The following MFSD11 variants were observed in gnomAD, a reference collection of about 807,000 sequenced individuals.
MFSD11 encodes UNC93-like protein MFSD11.
In MFSD11, 36 loss-of-function variants were observed where a neutral mutation model predicts 53.5. That is an observed-to-expected ratio of 0.67 (90% CI 0.52 to 0.89). The LOEUF is 0.89. Ranked by LOEUF, MFSD11 falls within the 40% of genes least tolerant of loss-of-function variation. The pLI is 0.00. For synonymous variants in MFSD11, 186 were observed against 184.9 expected (o/e 1.01, Z -0.05); for missense variants, 530 against 543.9 (o/e 0.97, Z 0.25).
intron 12 of MFSD11, among the ~76,000 whole-genome samples, chr17:76,777,907 G>A (rs1235255611): frequency 3.3e-5 from 5 of 152,084 alleles, no homozygotes; most frequent in African/African-American, 1.2e-4. Context: ...TTGAACTCCT[G>A]GGCTCAAGCA....
chr17:76,744,240 G>C, intron 6 of MFSD11, 82 bp from the exon 7 acceptor site: 1 of 1,368,878 alleles, frequency 7.3e-7, no homozygotes, highest in Non-Finnish European at 9.8e-7. Flanking sequence ...TGTGTTGACA[G>C]TTGTAAGCAG....
intron 8 of MFSD11, among the ~76,000 whole-genome samples, chr17:76,757,996 C>T (rs187797228): frequency 7.9e-5 from 12 of 151,390 alleles, no homozygotes; most frequent in East Asian, 7.8e-4. Flanking sequence ...GGTGACAGAG[C>T]GAGACTGTGT....
At chr17:76,762,836 G>T (rs371453963) in intron 8 of MFSD11, among the ~76,000 whole-genome samples, 1 of 151,664 alleles carries the variant, frequency 6.6e-6, no homozygotes. Flanking sequence ...AGGACCACAA[G>T]AGTAAACAAG....
At chr17:76,784,665 T>TG (rs1170592783), downstream of MFSD11, among the ~76,000 whole-genome samples, 1 of 151,962 alleles carries the variant, frequency 6.6e-6, no homozygotes, top group Admixed American at 6.6e-5. Flanking sequence ...GAGGCTGAGG[T>TG]GGGTGGATCA....
the MFSD11 span, among the ~76,000 whole-genome samples, chr17:76,789,953 A>T: frequency 4.0e-5 from 6 of 150,398 alleles, no homozygotes; most frequent in African/African-American, 1.5e-4. Flanking sequence ...AACTTTGAAA[A>T]GTTAATGTCT....
At chr17:76,759,501 C>G (rs2079983771) in intron 8 of MFSD11, among the ~76,000 whole-genome samples, 2 of 151,992 alleles carry the variant, frequency 1.3e-5, no homozygotes, top group South Asian at 4.1e-4. Flanking sequence ...GTCACCCAGG[C>G]TGGAGTGCAG....
At chr17:76,794,710 T>TG in the MFSD11 span, among the ~76,000 whole-genome samples, 1 of 103,586 alleles carries the variant, frequency 9.7e-6, no homozygotes. Flanking sequence ...TTTTTTGTTT[T>TG]GAGATGGAGT....
intron 8 of MFSD11, among the ~76,000 whole-genome samples, chr17:76,765,367 G>T: frequency 7.1e-6 from 1 of 141,844 alleles, no homozygotes; most frequent in African/African-American, 2.6e-5. Flanking sequence ...GTTGAATCTT[G>T]TATATTTTGA....
chr17:76,752,193 G>A (rs747214512), intron 7 of MFSD11, among the ~76,000 whole-genome samples: 5 of 152,148 alleles, frequency 3.3e-5, no homozygotes, highest in African/African-American at 4.8e-5. Flanking sequence ...CAGTTGCTCT[G>A]TGTATCACCT....
chr17:76,790,764 A>T, the MFSD11 span, among the ~76,000 whole-genome samples: 62 of 144,544 alleles, frequency 4.3e-4, 3 homozygotes, highest in African/African-American at 1.6e-3. Context: ...AAATGGTGAA[A>T]CCCCATCTCT....
chr17:76,761,078 G>A (rs1384008527), intron 8 of MFSD11, among the ~76,000 whole-genome samples: 3 of 152,036 alleles, frequency 2.0e-5, no homozygotes, highest in Non-Finnish European at 2.9e-5. Flanking sequence ...GGTGGTGAGT[G>A]CCTGTAATCC....
At chr17:76,794,463 C>T in the MFSD11 span, among the ~76,000 whole-genome samples, 11 of 120,782 alleles carry the variant, frequency 9.1e-5, 1 homozygote, top group South Asian at 5.2e-4. Flanking sequence ...GGTGAAAGAG[C>T]GAGACTCCGT....
chr17:76,738,077 T>C (rs2077668590), upstream of MFSD11: 2 of 457,116 alleles, frequency 4.4e-6, no homozygotes, highest in Non-Finnish European at 7.7e-6. Context: ...CGTGGGCCCC[T>C]CAACCTGGAG....
At position 76,746,912 on chromosome 17, in the gene MFSD11, CA is replaced by C. The variant is rs552745932; in HGVS notation, c.641+2447del. Among the ~76,000 whole-genome samples the C allele has an allele frequency of 6.2e-3, 938 of 151,580 alleles. 12 individuals are homozygous for C. The highest frequency in any genetic ancestry group is 0.021 in the African/African-American group (855 of 41,222). ...AGCCCCTGGATCAAGGAGTAATTTCCATTTTTTTTTTTTTGAGACAAAGTCT... is the reference window on the plus strand; with the variant it reads ...AGCCCCTGGATCAAGGAGTAATTTCCTTTTTTTTTTTTTGAGACAAAGTCT... On this transcript the variant is annotated intron_variant, in intron 7 of 12. Coordinates refer to ENST00000685175, the MANE Select transcript of MFSD11 (RefSeq NM_001242532.5).
chr17:76,776,555 A>C lies in MFSD11; in HGVS notation c.1185+14A>C. On this transcript the variant is annotated intron_variant, in intron 12 of 12. Coordinates refer to ENST00000685175, the MANE Select transcript of MFSD11 (RefSeq NM_001242532.5). This position sits in a 1 kb window ranked among gnomAD's most constrained non-coding sequence, Gnocchi z 4.2. ...AAGTTTGTTCAGGTAACCTCTTCAG[A>C]TTGTGATTGTGTTTGACATAGGGCT... The C allele has an allele frequency of 6.2e-7, 1 of 1,612,518 alleles. No individual in the cohort carries two copies. The highest frequency in any genetic ancestry group is 8.5e-7 in the Non-Finnish European group (1 of 1,179,582).
At chr17:76,764,640 C>T (rs1193791140) in intron 8 of MFSD11, among the ~76,000 whole-genome samples, 3 of 152,024 alleles carry the variant, frequency 2.0e-5, no homozygotes, top group Admixed American at 6.6e-5. Flanking sequence ...TTTATTCATC[C>T]GTTTAAGGAC....
intron 10 of MFSD11, among the ~76,000 whole-genome samples, chr17:76,772,042 T>G (rs2081408089): frequency 6.6e-6 from 1 of 152,160 alleles, no homozygotes. Context: ...GCTTGTTTAG[T>G]GTCTGCCTGT....
chr17:76,740,695 C>G (rs1483717104), intron 2 of MFSD11, among the ~76,000 whole-genome samples: 2 of 152,140 alleles, frequency 1.3e-5, no homozygotes, highest in Non-Finnish European at 2.9e-5. Flanking sequence ...GGCACAGTTC[C>G]TGTTACTATG....
At chr17:76,785,147 T>C (rs1049977852), downstream of MFSD11, among the ~76,000 whole-genome samples, 1 of 152,204 alleles carries the variant, frequency 6.6e-6, no homozygotes, top group East Asian at 1.9e-4. Context: ...GAAGGAAATT[T>C]GGGCACATGC....
Sources: gnomAD v4.1 joint callset for allele counts (sites outside exome capture counted in the v4.1 genomes callset) on GRCh38, gnomAD v4.1.1 for gene constraint, Gnocchi (gnomAD v3.1) non-coding constraint, MANE v1.5 for transcripts, NCBI Gene and HGNC (gene_info 2026-07-23, HGNC 2026-07-21) for gene names.